Variants in RNPS1 observed in about 807,000 individuals in gnomAD.
RNPS1 encodes the protein RNA-binding protein with serine-rich domain 1.
For missense variants in RNPS1, 300 were observed against 427.6 expected (o/e 0.70, Z 2.63); for synonymous variants, 147 against 150.0 (o/e 0.98, Z 0.15).
intron 6 of RNPS1, chr16:2,257,457 C>T (rs1356441080): frequency 1.3e-5 from 2 of 152,164 alleles, no homozygotes; most frequent in Non-Finnish European, 2.9e-5. Context: ...GTGTAGCTGC[C>T]AGTAAAGGCC....
chr16:2,254,470 GT>G (rs540324221), intron 7 of RNPS1, among the ~76,000 whole-genome samples: 3 of 151,330 alleles, frequency 2.0e-5, no homozygotes, highest in Non-Finnish European at 4.4e-5. Context: ...ATTTTGTTTT[GT>G]TTTTTTTAGT....
intron 6 of RNPS1, among the ~76,000 whole-genome samples, chr16:2,259,705 G>C (rs1161198525): frequency 6.6e-6 from 1 of 152,048 alleles, no homozygotes; most frequent in Admixed American, 6.6e-5. Flanking sequence ...CTGGCTAACA[G>C]GGTGAAACTC....
chr16:2,258,169 A>G (rs1234858201), intron 6 of RNPS1: 1 of 152,238 alleles, frequency 6.6e-6, no homozygotes, highest in Non-Finnish European at 1.5e-5. Flanking sequence ...TCAGCAAAAT[A>G]AACTAAAAAT....
intron 6 of RNPS1, among the ~76,000 whole-genome samples, chr16:2,261,792 T>C (rs899918002): frequency 3.3e-5 from 5 of 152,286 alleles, no homozygotes; most frequent in South Asian, 4.1e-4. Flanking sequence ...TGCTGTGATT[T>C]AGCAGAAGGC....
chr16:2,267,190 G>A, intron 1 of RNPS1: 1 of 985,396 alleles, frequency 1.0e-6, no homozygotes, highest in Non-Finnish European at 1.2e-6. Flanking sequence ...TTCAGGTACC[G>A]GCTCAGGACC....
At chr16:2,258,229 T>C (rs1335483897) in intron 6 of RNPS1, 2 of 152,232 alleles carry the variant, frequency 1.3e-5, no homozygotes, top group South Asian at 2.1e-4. Context: ...AAAGGAAATA[T>C]TCCCATATAA....
At chr16:2,263,350 C>A in intron 3 of RNPS1, 63 bp from the exon 4 acceptor site, 1 of 1,535,678 alleles carries the variant, frequency 6.5e-7, no homozygotes, top group Non-Finnish European at 9.0e-7. Context: ...GACGCCTCCT[C>A]CAATTCTGTT....
At chr16:2,266,566 C>T (rs2093625984) in intron 1 of RNPS1, 1 of 983,074 alleles carries the variant, frequency 1.0e-6, no homozygotes, top group Admixed American at 6.2e-5. Context: ...ATTAAAGACT[C>T]GATAAATGTT....
chr16:2,253,894 T>C lies in RNPS1; in HGVS notation c.*70A>G. 7.2e-7 allele frequency: 1 copy of C among 1,384,848 alleles called. No homozygotes were observed. The highest frequency in any genetic ancestry group is 2.0e-5 in the Admixed American group (1 of 50,768). The allele number at this position is 1,384,848 out of a possible 1,614,324, so 85.8% of individuals were successfully genotyped here. ...GTTTGCTTTCCTACTGGTCTTCCTT[T>C]GGCTAGAAAAGTGACAAAACTGAGC... On this transcript the variant is annotated 3_prime_UTR_variant, in exon 8 of 8. Transcript: ENST00000320225.
Position 2,253,923 on chromosome 16 carries a change from G to A in RNPS1, c.*41C>T, listed in dbSNP as rs1426909041. The A allele has an allele frequency of 4.0e-6, 6 of 1,502,480 alleles. No individual in the cohort carries two copies. The highest frequency in any genetic ancestry group is 3.6e-5 in the South Asian group (3 of 83,154). The allele number at this position is 1,502,480 out of a possible 1,614,324, so 93.1% of individuals were successfully genotyped here. ...TAGAAAAGTGACAAAACTGAGCTGG[G>A]TGGGGTATAAGTTACAGGGGCGAGA... On this transcript the variant is annotated 3_prime_UTR_variant, in exon 8 of 8. Transcript: ENST00000320225.
intron 3 of RNPS1, chr16:2,263,928 T>G: frequency 7.1e-6 from 3 of 419,616 alleles, no homozygotes; most frequent in Non-Finnish European, 4.2e-6. Context: ...CGAGCTCTTG[T>G]TTTGTTGCCC....
At chr16:2,260,085 A>G (rs2093596197) in intron 6 of RNPS1, among the ~76,000 whole-genome samples, 5 of 141,566 alleles carry the variant, frequency 3.5e-5, no homozygotes, top group Admixed American at 7.1e-5. Flanking sequence ...CTTGGAGCAT[A>G]TTTGTTTCTC....
chr16:2,261,943 A>AT (rs2093604740), intron 6 of RNPS1, among the ~76,000 whole-genome samples: 1 of 152,252 alleles, frequency 6.6e-6, no homozygotes, highest in African/African-American at 2.4e-5. Flanking sequence ...AAATGTACAC[A>AT]TATGTATAGA....
At chr16:2,266,723 C>A in intron 1 of RNPS1, 2 of 985,324 alleles carry the variant, frequency 2.0e-6, no homozygotes, top group Non-Finnish European at 2.4e-6. Flanking sequence ...CAATAGAAAC[C>A]GTGTGAGGAG....
intron 6 of RNPS1, among the ~76,000 whole-genome samples, chr16:2,260,845 T>G (rs1172755824): frequency 1.3e-5 from 2 of 152,148 alleles, no homozygotes; most frequent in Non-Finnish European, 1.5e-5. Flanking sequence ...CAAAAAAAAT[T>G]GTTGGCTGGG....
intron 1 of RNPS1, 107 bp from the exon 2 acceptor site, chr16:2,264,867 A>C: frequency 9.1e-6 from 8 of 878,954 alleles, no homozygotes; most frequent in Non-Finnish European, 1.3e-5. Flanking sequence ...GGAGCACGGT[A>C]AGCAATAAGT....
At chr16:2,262,646 C>T in intron 5 of RNPS1, 94 bp downstream of exon 5, 2 of 1,167,734 alleles carry the variant, frequency 1.7e-6, no homozygotes, top group Non-Finnish European at 1.3e-6. Flanking sequence ...GCCACCACCC[C>T]AGTCCTCCAA....
chr16:2,267,913 T>C, intron 1 of RNPS1, 142 bp downstream of exon 1: 8 of 1,533,660 alleles, frequency 5.2e-6, no homozygotes, highest in Non-Finnish European at 7.0e-6. Context: ...GGCCACACTC[T>C]TTCTTCTCGG....
At chr16:2,255,556 T>C (rs370289389) in intron 7 of RNPS1, 29 bp downstream of exon 7, 12 of 1,550,598 alleles carry the variant, frequency 7.7e-6, no homozygotes, top group Non-Finnish European at 1.0e-5. Flanking sequence ...TGTGGCCTGA[T>C]CAGTCCACTG....
Sources: allele counts gnomAD v4.1 joint callset (sites outside exome capture counted in the v4.1 genomes callset), GRCh38; gene constraint gnomAD v4.1.1; transcripts MANE v1.5; gene names NCBI Gene and HGNC (gene_info 2026-07-23, HGNC 2026-07-21).